The following HSCB variants were observed in gnomAD, a reference collection of about 807,000 sequenced individuals.
The protein encoded by HSCB is iron-sulfur cluster co-chaperone protein HscB.
In HSCB, 23 loss-of-function variants were observed where a neutral mutation model predicts 31.3. The ratio of observed to expected loss-of-function variants is 0.74; its 90% CI spans 0.53 to 1.04. The LOEUF is 1.04. Among genes scored for constraint, HSCB ranks in the 50% least tolerant of loss-of-function variants. HSCB has a pLI of 0.00. For synonymous variants in HSCB, 110 were observed against 104.5 expected (o/e 1.05, Z -0.32); for missense variants, 297 against 288.1 (o/e 1.03, Z -0.22).
intron 5 of HSCB, 130 bp downstream of exon 5, chr22:28,751,418 G>T: frequency 1.8e-6 from 1 of 561,186 alleles, no homozygotes; most frequent in South Asian, 2.7e-5. Flanking sequence ...AAATACTTAT[G>T]AGTCTACATT....
At chr22:28,744,404 T>G (rs2054648037) in intron 2 of HSCB, among the ~76,000 whole-genome samples, 1 of 152,018 alleles carries the variant, frequency 6.6e-6, no homozygotes, top group Non-Finnish European at 1.5e-5. Flanking sequence ...ATATAAAAAT[T>G]AGCCCAGTGC....
At chr22:28,744,528 T>C (rs2054650124) in intron 2 of HSCB, 87 bp from the exon 3 acceptor site, 1 of 936,270 alleles carries the variant, frequency 1.1e-6, no homozygotes. Flanking sequence ...CACTCCAGCC[T>C]GGATGACTCA....
At chr22:28,750,359 G>A (rs1241398607) in intron 4 of HSCB, among the ~76,000 whole-genome samples, 1 of 149,954 alleles carries the variant, frequency 6.7e-6, no homozygotes, top group Non-Finnish European at 1.5e-5. Flanking sequence ...ATTTTCTCCT[G>A]TAAGGTATCT....
intron 2 of HSCB, 55 bp from the exon 3 acceptor site, chr22:28,744,560 C>CA: frequency 7.2e-7 from 1 of 1,382,078 alleles, no homozygotes; most frequent in Non-Finnish European, 1.0e-6. Context: ...AAAACAAAAA[C>CA]AAAAAAACTT....
intron 5 of HSCB, among the ~76,000 whole-genome samples, chr22:28,755,762 T>G (rs2030562397): frequency 6.6e-6 from 1 of 152,178 alleles, no homozygotes; most frequent in African/African-American, 2.4e-5. Flanking sequence ...TTTCTCAACC[T>G]TGGCACTACG....
At chr22:28,750,232 A>G (rs1190929919) in intron 4 of HSCB, among the ~76,000 whole-genome samples, 1 of 131,262 alleles carries the variant, frequency 7.6e-6, no homozygotes, top group Admixed American at 8.5e-5. Context: ...CTGGGCAACA[A>G]GAGCGAAACT....
intron 5 of HSCB, among the ~76,000 whole-genome samples, chr22:28,753,855 T>C (rs1299206514): frequency 6.8e-6 from 1 of 146,862 alleles, no homozygotes; most frequent in Non-Finnish European, 1.5e-5. Flanking sequence ...AAAGAAATTC[T>C]GACACAGGAC....
At chr22:28,756,690 T>C (rs2030622840) in intron 5 of HSCB, among the ~76,000 whole-genome samples, 1 of 151,958 alleles carries the variant, frequency 6.6e-6, no homozygotes, top group South Asian at 2.1e-4. Context: ...GACAGGGTCT[T>C]GCTTTGTTGC....
At chr22:28,750,001 T>C (rs150072388) in intron 4 of HSCB, among the ~76,000 whole-genome samples, 2 of 151,972 alleles carry the variant, frequency 1.3e-5, no homozygotes, top group African/African-American at 2.4e-5. Flanking sequence ...TATAATCCCA[T>C]TACTTTGGGA....
Position 28,751,438 on chromosome 22 carries a change from A to T in HSCB, c.616+150A>T, listed in dbSNP as rs181418239. On this transcript the variant is annotated intron_variant, in intron 5 of 5. Coordinates refer to ENST00000216027, the MANE Select transcript of HSCB (RefSeq NM_172002.5). ...CTTATGAGTCTACATTTCTGTCTTT[A>T]AAAAAATGCCTTTAAGAATCTACAT... is the stretch of plus-strand genomic sequence containing the variant. The T allele has an allele frequency of 1.2e-3, 651 of 523,592 alleles. 2 individuals carry two copies. Among genetic ancestry groups the T allele is most frequent in the Middle Eastern group, 4.1e-3 (8 of 1,960 alleles). 32.4% of individuals were successfully genotyped at this position (523,592 alleles called of 1,614,324 possible).
chr22:28,746,057 T>G (rs2054682166), intron 4 of HSCB, 49 bp downstream of exon 4: 1 of 1,556,476 alleles, frequency 6.4e-7, no homozygotes, highest in East Asian at 2.3e-5. Context: ...TTATGAACAC[T>G]TGTCCAAGGA....
intron 5 of HSCB, among the ~76,000 whole-genome samples, chr22:28,755,513 A>T (rs1271666541): frequency 6.6e-6 from 1 of 152,128 alleles, no homozygotes; most frequent in Non-Finnish European, 1.5e-5. Context: ...TTCCACAGTA[A>T]CCACTCCTGA....
chr22:28,746,961 G>A (rs1230597898), intron 4 of HSCB, among the ~76,000 whole-genome samples: 1 of 151,900 alleles, frequency 6.6e-6, no homozygotes, highest in African/African-American at 2.4e-5. Context: ...CTATTCAGGA[G>A]GATGAGGTGG....
At chr22:28,744,424 TGCTTGTAGTCCCA>T (rs2054648263) in intron 2 of HSCB, among the ~76,000 whole-genome samples, 178 bp from the exon 3 acceptor site, 1 of 152,142 alleles carries the variant, frequency 6.6e-6, no homozygotes, top group South Asian at 2.1e-4. Flanking sequence ...CAGTGACACA[TGCTTGTAGTCCCA>T]GCTTCTTGGG....
chr22:28,744,688 G>T lies in HSCB; in HGVS notation c.407G>T (p.Ser136Ile). The T allele has an allele frequency of 6.2e-7, 1 of 1,613,380 alleles. No individual in the cohort carries two copies. Among genetic ancestry groups the T allele is most frequent in the Non-Finnish European group, 8.5e-7 (1 of 1,179,264 alleles). ...DAYKTLLAPLSRGLYLLKLHG... is the reference protein window; with the variant it reads ...DAYKTLLAPLIRGLYLLKLHG... The stretch of plus-strand genomic sequence containing the variant: ...TATAAGACCCTCCTGGCCCCCCTGA[G>T]CAGAGGACTGTACCTTGTAAGGTGA... The change falls in exon 3 of 6, where the codon AGC becomes ATC. Residue 136 changes from serine to isoleucine, a missense_variant. Physicochemically the swap from Ser to Ile is moderately radical, Grantham distance 142. Transcript: ENST00000216027.
chr22:28,749,695 C>T (rs1229279844), intron 4 of HSCB, among the ~76,000 whole-genome samples: 2 of 152,084 alleles, frequency 1.3e-5, no homozygotes, highest in Non-Finnish European at 2.9e-5. Flanking sequence ...GGACCGTCAG[C>T]TTGGAGATAT....
At chr22:28,748,136 G>A (rs920143513) in intron 4 of HSCB, among the ~76,000 whole-genome samples, 3 of 152,190 alleles carry the variant, frequency 2.0e-5, no homozygotes, top group African/African-American at 7.2e-5. Flanking sequence ...AGTGAGCCGA[G>A]ATTGTGCCAC....
chr22:28,756,232 A>G (rs1434560218), intron 5 of HSCB, among the ~76,000 whole-genome samples: 1 of 149,814 alleles, frequency 6.7e-6, no homozygotes, highest in Non-Finnish European at 1.5e-5. Context: ...TGGGCAACAG[A>G]GTGAGGCTCC....
chr22:28,752,508 G>A (rs976219880), intron 5 of HSCB, among the ~76,000 whole-genome samples: 3 of 151,876 alleles, frequency 2.0e-5, no homozygotes, highest in Non-Finnish European at 4.4e-5. Flanking sequence ...GCTGAGGCTG[G>A]CGGATCACAA....
Sources: gnomAD v4.1 joint callset for allele counts (sites outside exome capture counted in the v4.1 genomes callset) on GRCh38, gnomAD v4.1.1 for gene constraint, MANE v1.5 for transcripts, NCBI Gene and HGNC (gene_info 2026-07-23, HGNC 2026-07-21) for gene names.